STAU2: variants seen among roughly 807,000 people sequenced by gnomAD.
The protein encoded by STAU2 is double-stranded RNA-binding protein Staufen homolog 2.
Under a neutral mutation model 65.9 loss-of-function variants are expected in STAU2, and 20 were observed. The ratio of observed to expected loss-of-function variants is 0.30; its 90% CI spans 0.21 to 0.44. The LOEUF (loss-of-function observed/expected upper bound fraction) is 0.44. Ranked by LOEUF, STAU2 falls within the 20% of genes least tolerant of loss-of-function variation. STAU2 has a pLI of 1.00. For synonymous variants in STAU2, 232 were observed against 233.9 expected (o/e 0.99, Z 0.07); for missense variants, 558 against 683.9 (o/e 0.82, Z 2.05).
intron 9 of STAU2, among the ~76,000 whole-genome samples, chr8:73,606,031 A>AGAAAAC (rs1554548958): frequency 2.0e-5 from 3 of 148,176 alleles, no homozygotes; most frequent in Admixed American, 2.0e-4. Context: ...AAAAAGAAAA[A>AGAAAAC]AAAATCTTCA....
intron 6 of STAU2, among the ~76,000 whole-genome samples, chr8:73,663,794 T>G (rs1188631923): frequency 6.6e-6 from 1 of 152,192 alleles, no homozygotes; most frequent in African/African-American, 2.4e-5. Context: ...AATTTATCTC[T>G]GAATATGTTT....
intron 11 of STAU2, among the ~76,000 whole-genome samples, chr8:73,583,271 G>A (rs1586057404): frequency 1.3e-5 from 2 of 151,310 alleles, no homozygotes; most frequent in Non-Finnish European, 1.5e-5. Context: ...TCAGCCTCCC[G>A]AGTAGCTGGG....
intron 4 of STAU2, among the ~76,000 whole-genome samples, chr8:73,702,704 AAAAC>A (rs1820200345): frequency 6.6e-6 from 1 of 152,190 alleles, no homozygotes; most frequent in Non-Finnish European, 1.5e-5. Context: ...ACTGAACAAT[AAAAC>A]AAACCCAATA....
At chr8:73,741,806 C>T (rs1472793536) in intron 1 of STAU2, among the ~76,000 whole-genome samples, 2 of 152,216 alleles carry the variant, frequency 1.3e-5, no homozygotes, top group East Asian at 3.8e-4. Flanking sequence ...AGCCACCACG[C>T]CCGGCCCGAA....
At chr8:73,523,958 G>A (rs577742397) in intron 13 of STAU2, among the ~76,000 whole-genome samples, 1 of 152,122 alleles carries the variant, frequency 6.6e-6, no homozygotes, top group African/African-American at 2.4e-5. Context: ...GAGGTGGGAG[G>A]ATTGCCTGAG....
intron 13 of STAU2, among the ~76,000 whole-genome samples, chr8:73,526,615 T>C (rs1805474908): frequency 6.6e-6 from 1 of 152,200 alleles, no homozygotes; most frequent in East Asian, 1.9e-4. Context: ...AGTTGTTCTG[T>C]ACATGAATGG....
intron 1 of STAU2, among the ~76,000 whole-genome samples, chr8:73,744,487 G>GA (rs34156567): frequency 0.57 from 73,644 of 129,592 alleles, 21,580 homozygotes; most frequent in Non-Finnish European, 0.69. Flanking sequence ...AGGCACAAAG[G>GA]AAAAAAAAAA....
chr8:73,697,471 G>T (rs577563640), intron 4 of STAU2: 7 of 152,238 alleles, frequency 4.6e-5, no homozygotes, highest in African/African-American at 1.7e-4. Context: ...AATGAAAGAA[G>T]AAATCATCTG....
At chr8:73,651,539 G>A (rs902959737) in intron 6 of STAU2, 2 of 842,870 alleles carry the variant, frequency 2.4e-6, no homozygotes, top group African/African-American at 3.3e-5. Flanking sequence ...TTCTGGCCTT[G>A]CCAATGGCCT....
intron 6 of STAU2, among the ~76,000 whole-genome samples, chr8:73,670,287 T>A (rs1817578584): frequency 6.6e-6 from 1 of 151,706 alleles, no homozygotes; most frequent in African/African-American, 2.4e-5. Flanking sequence ...CAGGAGAGAA[T>A]GAAATATACC....
At chr8:73,605,307 CTT>C (rs760108756) in intron 9 of STAU2, among the ~76,000 whole-genome samples, 10 of 124,016 alleles carry the variant, frequency 8.1e-5, no homozygotes, top group East Asian at 2.3e-4. Context: ...GGCTTTTTTC[CTT>C]TTTTTTTTTT....
At chr8:73,720,537 G>C (rs1185059353) in intron 3 of STAU2, among the ~76,000 whole-genome samples, 2 of 36,046 alleles carry the variant, frequency 5.5e-5, no homozygotes. Flanking sequence ...ACGGAGTCTC[G>C]CTCTGTCGCC....
chr8:73,671,295 G>A (rs1473081789), intron 6 of STAU2, among the ~76,000 whole-genome samples: 1 of 151,682 alleles, frequency 6.6e-6, no homozygotes, highest in East Asian at 1.9e-4. Flanking sequence ...GCCGGAAATC[G>A]CTTGAACCCA....
At chr8:73,747,155 C>G (rs1226416977), upstream of STAU2, 11 of 473,190 alleles carry the variant, frequency 2.3e-5, no homozygotes, top group Non-Finnish European at 3.6e-5. Flanking sequence ...GAGCTGGGCC[C>G]CTGGGCGAGG....
At chr8:73,471,118 T>C (rs1398085541) in intron 13 of STAU2, among the ~76,000 whole-genome samples, 1 of 151,920 alleles carries the variant, frequency 6.6e-6, no homozygotes, top group Non-Finnish European at 1.5e-5. Context: ...TTCCTCTTTC[T>C]TTCCCCCAAT....
At chr8:73,505,211 G>A (rs1821994593) in intron 13 of STAU2, among the ~76,000 whole-genome samples, 1 of 152,052 alleles carries the variant, frequency 6.6e-6, no homozygotes, top group African/African-American at 2.4e-5. Context: ...CTAGAGTGCA[G>A]CCCAGGGCTA....
At chr8:73,584,829 C>A (rs559364489) in intron 11 of STAU2, among the ~76,000 whole-genome samples, 114 of 152,248 alleles carry the variant, frequency 7.5e-4, no homozygotes, top group Middle Eastern at 3.4e-3. Context: ...CAGAAGTAGA[C>A]CAGTTCCAAG....
chr8:73,604,103 T>C (rs1811836670), intron 9 of STAU2, among the ~76,000 whole-genome samples: 1 of 152,150 alleles, frequency 6.6e-6, no homozygotes, highest in African/African-American at 2.4e-5. Flanking sequence ...CTTTTTAAAT[T>C]GGGCACACTC....
At chr8:73,466,484 G>C (rs946636477) in intron 13 of STAU2, among the ~76,000 whole-genome samples, 6 of 152,192 alleles carry the variant, frequency 3.9e-5, no homozygotes, top group African/African-American at 1.4e-4. Flanking sequence ...AAGAAAAAGG[G>C]GGTGGAGGTA....
Sources: gnomAD v4.1 joint callset for allele counts (sites outside exome capture counted in the v4.1 genomes callset) on GRCh38, gnomAD v4.1.1 for gene constraint, MANE v1.5 for transcripts, NCBI Gene and HGNC (gene_info 2026-07-23, HGNC 2026-07-21) for gene names.